CSTPP1: variants seen among roughly 807,000 people sequenced by gnomAD.
CSTPP1 encodes the protein UPF0705 protein C11orf49.
the CSTPP1 span, among the ~76,000 whole-genome samples, chr11:47,061,439 TTC>T: frequency 2.6e-5 from 4 of 152,244 alleles, no homozygotes; most frequent in African/African-American, 4.8e-5. Context: ...TTGGTCTGAC[TTC>T]TTTTTGTAAT....
chr11:47,077,941 GGTT>G, the CSTPP1 span, among the ~76,000 whole-genome samples: 1 of 151,906 alleles, frequency 6.6e-6, no homozygotes, highest in South Asian at 2.1e-4. Context: ...AAAAACAAAA[GGTT>G]GTATAAGAAA....
At chr11:47,012,060 AG>A in the CSTPP1 span, among the ~76,000 whole-genome samples, 41 of 152,022 alleles carry the variant, frequency 2.7e-4, no homozygotes, top group African/African-American at 9.9e-4. Context: ...GGATTGATTG[AG>A]GCCAGGAGTT....
the CSTPP1 span, among the ~76,000 whole-genome samples, chr11:46,979,519 G>A: frequency 1.3e-5 from 2 of 152,126 alleles, no homozygotes; most frequent in Non-Finnish European, 2.9e-5. Flanking sequence ...GATTGTAACT[G>A]TGGGAAACTT....
the CSTPP1 span, among the ~76,000 whole-genome samples, chr11:47,014,713 G>A: frequency 7.8e-6 from 1 of 128,840 alleles, no homozygotes; most frequent in African/African-American, 2.8e-5. Context: ...CAAAGAAAGA[G>A]AAAGAGAGAG....
chr11:46,992,484 C>T, the CSTPP1 span, among the ~76,000 whole-genome samples: 242 of 148,958 alleles, frequency 1.6e-3, no homozygotes, highest in African/African-American at 5.6e-3. Flanking sequence ...TGAGAACATG[C>T]GGTGTTTGGT....
chr11:46,947,657 T>C, the CSTPP1 span, among the ~76,000 whole-genome samples: 1 of 152,238 alleles, frequency 6.6e-6, no homozygotes, highest in African/African-American at 2.4e-5. Flanking sequence ...TAAAGCACTA[T>C]TCTTTGGAGA....
At chr11:46,997,326 C>G in the CSTPP1 span, among the ~76,000 whole-genome samples, 31 of 152,164 alleles carry the variant, frequency 2.0e-4, no homozygotes, top group African/African-American at 7.5e-4. Flanking sequence ...CACTCTTACC[C>G]TTTTTTCCAG....
the CSTPP1 span, chr11:47,004,404 C>T: frequency 6.6e-6 from 1 of 151,720 alleles, no homozygotes; most frequent in Non-Finnish European, 1.5e-5. Context: ...GTCTTGAACT[C>T]CTGGGCTCAT....
the CSTPP1 span, among the ~76,000 whole-genome samples, chr11:47,044,810 G>C: frequency 2.8e-4 from 42 of 152,214 alleles, no homozygotes; most frequent in Middle Eastern, 3.4e-3. Flanking sequence ...TCAGGAAGCT[G>C]AGGTGGGAGG....
chr11:47,113,140 TTCATCTATG>T, the CSTPP1 span, among the ~76,000 whole-genome samples: 1 of 152,230 alleles, frequency 6.6e-6, no homozygotes, highest in Non-Finnish European at 1.5e-5. Context: ...GGTTTCTAGC[TTCATCTATG>T]TCCCTGCAAA....
At chr11:46,983,278 A>C in the CSTPP1 span, among the ~76,000 whole-genome samples, 3 of 152,182 alleles carry the variant, frequency 2.0e-5, no homozygotes, top group Non-Finnish European at 2.9e-5. Flanking sequence ...CTGATCCACA[A>C]TTGCCTTCAC....
the CSTPP1 span, among the ~76,000 whole-genome samples, chr11:47,090,352 C>G: frequency 6.6e-6 from 1 of 152,110 alleles, no homozygotes; most frequent in Non-Finnish European, 1.5e-5. Flanking sequence ...AATGTTGAAA[C>G]AGAGTTGATA....
chr11:47,107,384 G>A, the CSTPP1 span, among the ~76,000 whole-genome samples: 1 of 152,158 alleles, frequency 6.6e-6, no homozygotes, highest in Admixed American at 6.5e-5. Context: ...ATAAAGGTCT[G>A]TAGAACCTTT....
the CSTPP1 span, among the ~76,000 whole-genome samples, chr11:47,047,164 G>T: frequency 1.3e-5 from 2 of 152,150 alleles, no homozygotes; most frequent in African/African-American, 4.8e-5. Flanking sequence ...ACCTCCCAAA[G>T]TGCTAGGATT....
At chr11:47,126,831 C>A in the CSTPP1 span, among the ~76,000 whole-genome samples, 1 of 150,836 alleles carries the variant, frequency 6.6e-6, no homozygotes, top group Non-Finnish European at 1.5e-5. Flanking sequence ...ATTTGGGGAG[C>A]TGAGGTGGGG....
the CSTPP1 span, among the ~76,000 whole-genome samples, chr11:46,996,305 A>AT: frequency 1.2e-4 from 14 of 112,706 alleles, no homozygotes; most frequent in Non-Finnish European, 2.3e-4. Context: ...TTTTTATTTT[A>AT]TTTTATTTTT....
the CSTPP1 span, among the ~76,000 whole-genome samples, chr11:46,977,302 C>T: frequency 2.6e-5 from 4 of 152,134 alleles, no homozygotes; most frequent in Admixed American, 6.6e-5. Flanking sequence ...ATGAGGGAGG[C>T]GCCAGCACAG....
At chr11:47,099,312 C>T in the CSTPP1 span, among the ~76,000 whole-genome samples, 1 of 152,168 alleles carries the variant, frequency 6.6e-6, no homozygotes. Flanking sequence ...GGGAAAATGC[C>T]TTCTTACTCT....
chr11:47,139,392 A>G, the CSTPP1 span, among the ~76,000 whole-genome samples: 1 of 152,262 alleles, frequency 6.6e-6, no homozygotes, highest in Non-Finnish European at 1.5e-5. Flanking sequence ...GCCTGAAAGC[A>G]GCTGGGCGTG....
Sources: allele counts gnomAD v4.1 joint callset (sites outside exome capture counted in the v4.1 genomes callset), GRCh38; gene constraint gnomAD v4.1.1; transcripts MANE v1.5; gene names NCBI Gene and HGNC (gene_info 2026-07-23, HGNC 2026-07-21).